The following NOS1 variants were observed in gnomAD, a reference collection of about 807,000 sequenced individuals.
NOS1 encodes the protein nitric oxide synthase 1, also known as NOS type I.
In NOS1, 51 loss-of-function variants were observed where a neutral mutation model predicts 164.5. That is an observed-to-expected ratio of 0.31 (90% confidence interval 0.25 to 0.39). The LOEUF (loss-of-function observed/expected upper bound fraction) is 0.39, where lower values mean the gene tolerates loss of function less well. NOS1 is among the 10% of genes least tolerant of loss of function. The pLI is 1.00. For synonymous variants in NOS1, 719 were observed against 745.8 expected, an observed-to-expected ratio of 0.96 and a Z score of 0.59; for missense variants, 1,362 against 1,885.6, an observed-to-expected ratio of 0.72 and a Z score of 5.14.
chr12:117,242,740 G>C, intron 19 of NOS1, 35 bp from the exon 20 acceptor site: 2 of 1,593,834 alleles, frequency 1.3e-6, no homozygotes, highest in Non-Finnish European at 1.7e-6. Context: ...TCCTGAGAAG[G>C]GGTTGAATGT....
At chr12:117,224,340 C>G (rs747568329) in intron 25 of NOS1, among the ~76,000 whole-genome samples, 3 of 152,106 alleles carry the variant, frequency 2.0e-5, no homozygotes, top group Non-Finnish European at 2.9e-5. Context: ...GGCTGGAGTG[C>G]GGTGGCACGA....
Position 117,243,607 on chromosome 12 carries a change from T to C in NOS1, c.2824-172A>G, listed in dbSNP as rs546814878. 7.2e-6 allele frequency among the ~76,000 whole-genome samples: 1 copy of C among 139,796 alleles called. No homozygotes were observed. The highest frequency in any genetic ancestry group is 1.5e-5 in the Non-Finnish European group (1 of 64,576). The allele number at this position is 139,796 out of a possible 152,430, so 91.7% of individuals were successfully genotyped here. ...CATCCATCCAGTAACCCTTCCCTCC[T>C]TCCCTTCTTCCTTCCCTTCCTTTCT... On this transcript the variant is annotated intron_variant, in intron 18 of 28. Coordinates refer to ENST00000317775, the MANE Select transcript of NOS1 (RefSeq NM_000620.5). The surrounding 1 kb of genome is among the most constrained non-coding windows in gnomAD (Gnocchi z 4.3).
intron 1 of NOS1, among the ~76,000 whole-genome samples, chr12:117,334,435 C>T (rs562661934): frequency 1.3e-5 from 2 of 152,124 alleles, no homozygotes; most frequent in Admixed American, 6.5e-5. Context: ...CTCACTCTGT[C>T]GCCCAGGCTG....
chr12:117,345,877 A>C (rs1876326214), intron 1 of NOS1, among the ~76,000 whole-genome samples: 1 of 152,238 alleles, frequency 6.6e-6, no homozygotes, highest in African/African-American at 2.4e-5. Flanking sequence ...AAACAAAAAA[A>C]CAACCACCTG....
In NOS1 at chr12:117,259,061, T is replaced by C; in HGVS notation, c.2437A>G (p.Thr813Ala). ...TCAGGGGGATCTCCATTGCCAAAGG[T>C]GCTGGTGACCACAAGGACCAGAGTT... ...HETLVLVVTS[T>A]FGNGDPPENG... The change falls in exon 15 of 29, where the codon ACC (threonine) becomes GCC (alanine). Residue 813 changes from threonine to alanine, a missense_variant. Thr to Ala is a moderately conservative substitution (Grantham distance 58). Coordinates refer to ENST00000317775, the MANE Select transcript of NOS1 (RefSeq NM_000620.5). 6.2e-7 allele frequency: 1 copy of C among 1,614,018 alleles called. No individual in the cohort carries two copies. The highest frequency in any genetic ancestry group is 8.5e-7 in the Non-Finnish European group (1 of 1,179,974).
intron 27 of NOS1, 36 bp downstream of exon 27, chr12:117,220,038 TA>T: frequency 6.4e-7 from 1 of 1,566,124 alleles, no homozygotes; most frequent in Non-Finnish European, 8.7e-7. Context: ...AGAGTGGATG[TA>T]GGAAAAGGGA....
intron 8 of NOS1, among the ~76,000 whole-genome samples, chr12:117,279,026 T>G (rs1316752699): frequency 2.0e-5 from 3 of 151,786 alleles, no homozygotes; most frequent in Non-Finnish European, 4.4e-5. Flanking sequence ...GTGAATCTAT[T>G]AATTTGTTAA....
At chr12:117,332,506 C>T (rs758344099) in intron 1 of NOS1, among the ~76,000 whole-genome samples, 23 of 152,030 alleles carry the variant, frequency 1.5e-4, no homozygotes, top group South Asian at 6.2e-4. Context: ...GTGGGAGGAT[C>T]GCATTAGCCC....
rs9658258 is a variant in NOS1 at position 117,361,551 on chromosome 12, C to T, written c.-460G>A. ...CGCTGCTCGCTGCCCGGCCGCCCCT[C>T]GGAGGAGCCGCGGCGCTAAGTAGCT... On this transcript the variant is annotated 5_prime_UTR_variant, in exon 1 of 29. Coordinates refer to ENST00000317775, the MANE Select transcript of NOS1 (RefSeq NM_000620.5). 0.057 allele frequency: 8,659 copies of T among 151,976 alleles called. 286 individuals carry two copies. Among genetic ancestry groups the T allele is most frequent in the East Asian group, 0.1 (531 of 5,088 alleles). The allele number at this position is 151,976 out of a possible 1,614,324, so 9.4% of individuals were successfully genotyped here.
chr12:117,353,031 T>C (rs996678724), intron 1 of NOS1, among the ~76,000 whole-genome samples: 3 of 151,898 alleles, frequency 2.0e-5, no homozygotes, highest in Non-Finnish European at 4.4e-5. Flanking sequence ...CATCCATCCA[T>C]CTATCCATCC....
chr12:117,239,737 A>G (rs886418000), intron 20 of NOS1, among the ~76,000 whole-genome samples: 10 of 151,938 alleles, frequency 6.6e-5, no homozygotes, highest in African/African-American at 2.4e-4. Context: ...AGCCTTATGA[A>G]GCTGGAAACG....
chr12:117,358,527 C>G (rs1876965016), intron 1 of NOS1, among the ~76,000 whole-genome samples: 1 of 152,234 alleles, frequency 6.6e-6, no homozygotes, highest in African/African-American at 2.4e-5. Flanking sequence ...CCCTTCCTTC[C>G]TTACAATCAC....
intron 1 of NOS1, among the ~76,000 whole-genome samples, chr12:117,357,173 A>G (rs534330232): frequency 2.0e-5 from 3 of 152,264 alleles, no homozygotes; most frequent in African/African-American, 7.2e-5. Flanking sequence ...AAATACAAAA[A>G]TTAGCCTGGT....
chr12:117,312,420 CTG>C (rs1874475867), intron 2 of NOS1, among the ~76,000 whole-genome samples: 1 of 151,462 alleles, frequency 6.6e-6, no homozygotes, highest in Non-Finnish European at 1.5e-5. Flanking sequence ...GCAGGAATGA[CTG>C]TTTTTCGTTT....
At chr12:117,255,563 A>G (rs1489795987) in intron 16 of NOS1, among the ~76,000 whole-genome samples, 4 of 152,206 alleles carry the variant, frequency 2.6e-5, no homozygotes, top group Admixed American at 2.0e-4. Context: ...GTCATGCAAT[A>G]TATCAGGGGG....
intron 22 of NOS1, among the ~76,000 whole-genome samples, chr12:117,229,562 T>TTCTATCTA (rs58234141): frequency 0.15 from 22,304 of 149,280 alleles, 1,825 homozygotes; most frequent in African/African-American, 0.21. Flanking sequence ...TATCAAATTC[T>TTCTATCTA]TCTATCTATC....
At chr12:117,221,818 ATTTTT>A (rs3070338) in intron 26 of NOS1, among the ~76,000 whole-genome samples, 7 of 111,556 alleles carry the variant, frequency 6.3e-5, no homozygotes, top group East Asian at 2.6e-4. Context: ...GCTAACTTAA[ATTTTT>A]TTTTTTTTTT....
intron 2 of NOS1, among the ~76,000 whole-genome samples, chr12:117,313,062 C>T (rs1374179746): frequency 1.3e-5 from 2 of 152,122 alleles, no homozygotes; most frequent in Non-Finnish European, 2.9e-5. Flanking sequence ...CATCCTCAAC[C>T]TCATCATATC....
intron 3 of NOS1, among the ~76,000 whole-genome samples, chr12:117,305,544 T>C (rs1035635712): frequency 6.6e-6 from 1 of 151,952 alleles, no homozygotes; most frequent in African/African-American, 2.4e-5. Context: ...TAGGAGATCA[T>C]CTTTCAGGAT....
Sources: gnomAD v4.1 joint callset for allele counts (sites outside exome capture counted in the v4.1 genomes callset) on GRCh38, gnomAD v4.1.1 for gene constraint, Gnocchi (gnomAD v3.1) non-coding constraint, MANE v1.5 for transcripts, NCBI Gene and HGNC (gene_info 2026-07-23, HGNC 2026-07-21) for gene names.